The following FCRLA variants were observed in gnomAD, a reference collection of about 807,000 sequenced individuals.
FCRLA encodes the protein Fc receptor-like A.
Under a neutral mutation model 28.4 loss-of-function variants are expected in FCRLA, and 26 were observed. The ratio of observed to expected loss-of-function variants is 0.91; its 90% confidence interval spans 0.67 to 1.27. FCRLA has a LOEUF of 1.27. Ranked by LOEUF, FCRLA falls within the 50% of genes most tolerant of loss-of-function variation. FCRLA has a pLI of 0.00. For synonymous variants in FCRLA, 174 were observed against 168.5 expected (o/e 1.03, Z -0.25); for missense variants, 422 against 433.1 (o/e 0.97, Z 0.23).
At chr1:161,711,107 T>G in intron 2 of FCRLA, 101 bp from the exon 3 acceptor site, 1 of 1,504,432 alleles carries the variant, frequency 6.6e-7, no homozygotes, top group Non-Finnish European at 8.9e-7. Context: ...GGGGTGAGAG[T>G]TTACCTGGAC....
Position 161,713,160 on chromosome 1 carries a change from A to G in FCRLA, c.860A>G (p.Glu287Gly). The G allele has an allele frequency of 6.2e-7, 1 of 1,614,192 alleles. No homozygotes were observed. Among genetic ancestry groups the G allele is most frequent in the Non-Finnish European group, 8.5e-7 (1 of 1,180,038 alleles). Residue 287 changes from glutamate to glycine, a missense_variant, in exon 5 of 5, where the codon GAG (glutamate) becomes GGG (glycine). By Grantham distance (98) the Glu-to-Gly change is moderately conservative (BLOSUM62 -2). Transcript: ENST00000236938. Reference sequence around the variant, plus strand: ...TCAGCTGCTCCAGGAACTGCTCCTGAGGAGGCCCCTGGGCCTCTGCCTCCG... The same window carrying G: ...TCAGCTGCTCCAGGAACTGCTCCTGGGGAGGCCCCTGGGCCTCTGCCTCCG... ...QKSAAPGTAPEEAPGPLPPPP... is the reference protein window; with the variant it reads ...QKSAAPGTAPGEAPGPLPPPP...
intron 4 of FCRLA, among the ~76,000 whole-genome samples, chr1:161,712,837 G>A (rs1471230437): frequency 6.6e-6 from 1 of 152,202 alleles, no homozygotes; most frequent in East Asian, 1.9e-4. Context: ...ATTCAGCCTT[G>A]ATAGAGAAAG....
At chr1:161,707,698 T>A (rs1339641363) in intron 1 of FCRLA, among the ~76,000 whole-genome samples, 1 of 152,306 alleles carries the variant, frequency 6.6e-6, no homozygotes, top group East Asian at 1.9e-4. Flanking sequence ...TCCACTGGAA[T>A]TGGTTTTGTC....
chr1:161,711,744 C>A, intron 3 of FCRLA, 190 bp from the exon 4 acceptor site: 1 of 811,678 alleles, frequency 1.2e-6, no homozygotes, highest in Non-Finnish European at 2.0e-6. Flanking sequence ...TCAGATTTGC[C>A]CATCTGTGGA....
At chr1:161,711,751 T>TGG in intron 3 of FCRLA, 183 bp from the exon 4 acceptor site, 1 of 838,780 alleles carries the variant, frequency 1.2e-6, no homozygotes, top group Non-Finnish European at 1.9e-6. Flanking sequence ...TGCCCATCTG[T>TGG]GGATCTTTCC....
At chr1:161,709,002 A>C (rs1472583375) in intron 1 of FCRLA, among the ~76,000 whole-genome samples, 4 of 152,110 alleles carry the variant, frequency 2.6e-5, no homozygotes, top group Non-Finnish European at 5.9e-5. Context: ...TACCAGCTCT[A>C]TGTCACTTTA....
chr1:161,711,784 G>T, intron 3 of FCRLA, 150 bp from the exon 4 acceptor site: 1 of 1,018,312 alleles, frequency 9.8e-7, no homozygotes, highest in Non-Finnish European at 1.4e-6. Context: ...CTTACAGAAA[G>T]AACTTGACAG....
At chr1:161,710,258 T>C in intron 1 of FCRLA, 1 of 585,242 alleles carries the variant, frequency 1.7e-6, no homozygotes, top group Admixed American at 3.0e-5. Context: ...TTTGGGTATG[T>C]TAATTTGGTT....
intron 1 of FCRLA, among the ~76,000 whole-genome samples, chr1:161,708,813 A>C (rs1234263933): frequency 6.6e-6 from 1 of 152,148 alleles, no homozygotes; most frequent in African/African-American, 2.4e-5. Context: ...GCTGCTTGCG[A>C]TACATTTTTC....
At chr1:161,711,060 C>G in intron 2 of FCRLA, 148 bp downstream of exon 2, 1 of 1,428,408 alleles carries the variant, frequency 7.0e-7, no homozygotes. Context: ...TGCTCTAAGT[C>G]CTAGGCCCTA....
At position 161,711,617 on chromosome 1, in the gene FCRLA, G is replaced by A. The variant is rs189628063; in HGVS notation, c.499+143G>A. The A allele has an allele frequency of 1.7e-4, 181 of 1,075,954 alleles. 1 individual carries two copies. In the East Asian group the frequency reaches 2.8e-3, roughly 17 times the overall value. 66.7% of individuals were successfully genotyped at this position (1,075,954 alleles called of 1,614,324 possible). The stretch of plus-strand genomic sequence containing the variant: ...CTGGCAAATGCCCAAGTTGGGCTTC[G>A]AAAGGGACGAGACCTCAGCCTTTTG... On this transcript the variant is annotated intron_variant, in intron 3 of 4. Coordinates refer to ENST00000236938, the MANE Select transcript of FCRLA (RefSeq NM_032738.4).
At position 161,712,023 on chromosome 1, in the gene FCRLA, C is replaced by T; in HGVS notation, c.589C>T (p.Pro197Ser). The T allele has an allele frequency of 6.2e-7, 1 of 1,614,174 alleles. No homozygotes were observed. The highest frequency in any genetic ancestry group is 8.5e-7 in the Non-Finnish European group (1 of 1,180,026). The change falls in exon 4 of 5, where the codon CCC (proline) becomes TCC (serine). Residue 197 changes from proline (P) to serine (S), a missense_variant. Physicochemically the swap from Pro to Ser is moderately conservative, Grantham distance 74 (BLOSUM62 -1). Around this residue, in one of 3 missense-constraint regions of FCRLA, gnomAD observed 185 missense variants for 198.1 expected, o/e 0.93. Coordinates refer to ENST00000236938, the MANE Select transcript of FCRLA (RefSeq NM_032738.4). ...GACCCTGAGTTGTCAGACAAAGTTG[C>T]CCCTGCAGAGGTCAGCTGCCCGCCT... ...PMTLSCQTKL[P>S]LQRSAARLLF...
intron 1 of FCRLA, 72 bp downstream of exon 1, chr1:161,707,415 A>G: frequency 6.7e-7 from 1 of 1,481,540 alleles, no homozygotes. Flanking sequence ...CCAGAAGGAA[A>G]GAAACATGGA....
At chr1:161,711,135 G>A in intron 2 of FCRLA, 73 bp from the exon 3 acceptor site, 1 of 1,543,656 alleles carries the variant, frequency 6.5e-7, no homozygotes, top group Non-Finnish European at 8.7e-7. Flanking sequence ...GAAAGTTTAG[G>A]GGAGTAGGCA....
rs1215301406 is a variant in FCRLA at position 161,713,239 on chromosome 1, A to G, written c.939A>G (p.Pro313=). ...DPGFSSPLGM[P]DPHLYHQMGL... ...GCTTTTCTTCTCCTCTGGGGATGCC[A>G]GATCCTCATCTGTATCACCAGATGG... Residue 313 remains proline, a synonymous_variant, in exon 5 of 5, where the codon CCA becomes CCG. Coordinates refer to ENST00000236938, the MANE Select transcript of FCRLA (RefSeq NM_032738.4). The G allele has an allele frequency of 6.2e-7, 1 of 1,614,250 alleles. No homozygotes were observed. Among genetic ancestry groups the G allele is most frequent in the Non-Finnish European group, 8.5e-7 (1 of 1,180,042 alleles).
chr1:161,710,117 T>C (rs1557919347), intron 1 of FCRLA, among the ~76,000 whole-genome samples: 1 of 152,106 alleles, frequency 6.6e-6, no homozygotes, highest in Non-Finnish European at 1.5e-5. Flanking sequence ...AATCAGAATA[T>C]GAAAGAAAGT....
At position 161,713,451 on chromosome 1, in the gene FCRLA, C is replaced by G; in HGVS notation, c.*71C>G. On this transcript the variant is annotated 3_prime_UTR_variant, in exon 5 of 5. Coordinates refer to ENST00000236938, the MANE Select transcript of FCRLA (RefSeq NM_032738.4). ...CTGATTCTTTATTTTCTCTTCCTGT[C>G]CTGCACATATGCATAAGTACTTTTA... is the stretch of plus-strand genomic sequence containing the variant. The G allele has an allele frequency of 7.7e-7, 1 of 1,291,628 alleles. No homozygotes were observed. The highest frequency in any genetic ancestry group is 1.1e-6 in the Non-Finnish European group (1 of 924,470). 80.0% of individuals were successfully genotyped at this position (1,291,628 alleles called of 1,614,324 possible).
chr1:161,711,587 G>A, intron 3 of FCRLA, 113 bp downstream of exon 3: 2 of 1,382,822 alleles, frequency 1.4e-6, no homozygotes, highest in East Asian at 2.4e-5. Flanking sequence ...CTATGGAGCA[G>A]GTTGCTGGCA....
intron 1 of FCRLA, 131 bp downstream of exon 1, chr1:161,707,474 T>C: frequency 9.8e-7 from 1 of 1,025,222 alleles, no homozygotes; most frequent in South Asian, 1.9e-5. Context: ...ATAAGAAGGG[T>C]AGGTATAAGA....
Sources: allele counts gnomAD v4.1 joint callset (sites outside exome capture counted in the v4.1 genomes callset), GRCh38; gene constraint gnomAD v4.1.1; regional missense constraint gnomAD v4.1.1; transcripts MANE v1.5; gene names NCBI Gene and HGNC (gene_info 2026-07-23, HGNC 2026-07-21).